LINGO2: variants seen among roughly 807,000 people sequenced by gnomAD.
LINGO2 encodes leucine-rich repeat and immunoglobulin-like domain-containing nogo receptor-interacting protein 2.
Under a neutral mutation model 30.6 loss-of-function variants are expected in LINGO2, and 14 were observed. That is an observed-to-expected ratio of 0.46 (90% CI 0.30 to 0.72). The LOEUF is 0.72. LINGO2 is among the 30% of genes least tolerant of loss of function. The pLI, the probability that LINGO2 is intolerant of heterozygous loss-of-function variation, is 0.07. For synonymous variants in LINGO2, 317 were observed against 288.5 expected, an observed-to-expected ratio of 1.10 and a Z score of -1.00; for missense variants, 729 against 751.7, an observed-to-expected ratio of 0.97 and a Z score of 0.35.
chr9:28,984,077 C>T, the LINGO2 span, among the ~76,000 whole-genome samples: 1 of 152,012 alleles, frequency 6.6e-6, no homozygotes, highest in Non-Finnish European at 1.5e-5. Flanking sequence ...AATATAATCC[C>T]TTCTTCACTC....
the LINGO2 span, among the ~76,000 whole-genome samples, chr9:28,908,813 T>C: frequency 6.6e-6 from 1 of 151,960 alleles, no homozygotes; most frequent in African/African-American, 2.4e-5. Flanking sequence ...CAGCCTTTGC[T>C]ACAATGAAAT....
chr9:29,049,753 T>C, the LINGO2 span, among the ~76,000 whole-genome samples: 32 of 152,152 alleles, frequency 2.1e-4, no homozygotes, highest in African/African-American at 7.7e-4. Context: ...ATCAAAAAAA[T>C]TGTACTCATT....
the LINGO2 span, among the ~76,000 whole-genome samples, chr9:29,027,046 T>C: frequency 0.16 from 24,519 of 152,242 alleles, 2,217 homozygotes; most frequent in South Asian, 0.2. Context: ...TGAAATGTTA[T>C]TTCACATTTT....
the LINGO2 span, among the ~76,000 whole-genome samples, chr9:28,729,513 G>A: frequency 5.7e-4 from 87 of 152,076 alleles, no homozygotes; most frequent in African/African-American, 2.0e-3. Context: ...AATATTGGCA[G>A]AGATAAGATC....
At chr9:28,497,819 T>A (rs1233996430) in intron 1 of LINGO2, among the ~76,000 whole-genome samples, 1 of 152,168 alleles carries the variant, frequency 6.6e-6, no homozygotes, top group African/African-American at 2.4e-5. Flanking sequence ...ATGATGGTGA[T>A]GTACAGATGG....
chr9:28,524,142 C>T (rs1820927672), intron 1 of LINGO2, among the ~76,000 whole-genome samples: 1 of 151,996 alleles, frequency 6.6e-6, no homozygotes, highest in African/African-American at 2.4e-5. Context: ...AATTGATTTT[C>T]CAACAAAGGG....
At chr9:29,129,939 T>C in the LINGO2 span, among the ~76,000 whole-genome samples, 1 of 152,084 alleles carries the variant, frequency 6.6e-6, no homozygotes, top group Non-Finnish European at 1.5e-5. Flanking sequence ...ATATGGTCTG[T>C]GTAAGTCATG....
chr9:29,175,152 G>C, the LINGO2 span, among the ~76,000 whole-genome samples: 7,614 of 152,028 alleles, frequency 0.05, 244 homozygotes, highest in Admixed American at 0.083. Context: ...CCAGCTACTC[G>C]GGAGGCTGAG....
At chr9:28,516,504 C>T (rs892976404) in intron 1 of LINGO2, among the ~76,000 whole-genome samples, 12 of 152,154 alleles carry the variant, frequency 7.9e-5, no homozygotes, top group African/African-American at 2.9e-4. Flanking sequence ...TATCTCCCTG[C>T]CTGGGTGTGA....
chr9:29,050,198 G>A, the LINGO2 span, among the ~76,000 whole-genome samples: 1 of 152,050 alleles, frequency 6.6e-6, no homozygotes, highest in African/African-American at 2.4e-5. Context: ...GCTAACTTTT[G>A]TATTTTAAGT....
intron 2 of LINGO2, among the ~76,000 whole-genome samples, chr9:28,450,295 T>C (rs1284575342): frequency 6.6e-6 from 1 of 152,060 alleles, no homozygotes; most frequent in African/African-American, 2.4e-5. Flanking sequence ...TCAATCTGCC[T>C]ACTCACAAAC....
chr9:28,671,962 AT>A (rs1326454741), upstream of LINGO2, among the ~76,000 whole-genome samples: 2 of 152,280 alleles, frequency 1.3e-5, no homozygotes, highest in East Asian at 1.9e-4. Flanking sequence ...AAAAGCTACT[AT>A]CAGAAATTAA....
intron 2 of LINGO2, among the ~76,000 whole-genome samples, chr9:28,402,866 C>T (rs1822329762): frequency 6.6e-6 from 1 of 152,022 alleles, no homozygotes; most frequent in Admixed American, 6.6e-5. Flanking sequence ...ACACTTTTAG[C>T]CTTTTCATTG....
the LINGO2 span, among the ~76,000 whole-genome samples, chr9:28,736,546 T>A: frequency 1.3e-5 from 2 of 152,118 alleles, no homozygotes; most frequent in Non-Finnish European, 2.9e-5. Context: ...ATCCCAGTAC[T>A]TTGGGAGGTC....
intron 4 of LINGO2, among the ~76,000 whole-genome samples, chr9:28,106,443 C>T (rs531603471): frequency 4.3e-4 from 65 of 152,246 alleles, no homozygotes; most frequent in African/African-American, 1.4e-3. Context: ...CCTCTCCGTG[C>T]CCCACCCCTA....
the LINGO2 span, among the ~76,000 whole-genome samples, chr9:28,769,000 T>C: frequency 1.1e-4 from 16 of 152,136 alleles, no homozygotes. Flanking sequence ...AAATTTTTCA[T>C]GGGTTTTCTT....
the LINGO2 span, among the ~76,000 whole-genome samples, chr9:29,189,397 G>GTCTCCTCACT: frequency 1.3e-5 from 2 of 148,874 alleles, no homozygotes; most frequent in African/African-American, 2.5e-5. Context: ...CGGGCAGAGG[G>GTCTCCTCACT]TCTCCTCACT....
intron 4 of LINGO2, among the ~76,000 whole-genome samples, chr9:28,191,399 C>G (rs1019016301): frequency 1.3e-5 from 2 of 152,132 alleles, no homozygotes; most frequent in African/African-American, 4.8e-5. Flanking sequence ...GAGTCTAGAT[C>G]CTATTCCTGC....
the LINGO2 span, among the ~76,000 whole-genome samples, chr9:29,151,365 C>T: frequency 2.0e-5 from 3 of 152,102 alleles, no homozygotes; most frequent in Non-Finnish European, 4.4e-5. Flanking sequence ...ACAAAACAAC[C>T]ACCTAACAAT....
Sources: allele counts gnomAD v4.1 joint callset (sites outside exome capture counted in the v4.1 genomes callset), GRCh38; gene constraint gnomAD v4.1.1; transcripts MANE v1.5; gene names NCBI Gene and HGNC (gene_info 2026-07-23, HGNC 2026-07-21).